IGFL2: variants seen among roughly 807,000 people sequenced by gnomAD.
IGFL2 encodes IGF like family member 2, also known as insulin growth factor-like family member 2.
A neutral mutation model predicts 13.9 loss-of-function variants in IGFL2; 7 were observed. The ratio of observed to expected loss-of-function variants is 0.51; its 90% confidence interval spans 0.29 to 0.95. IGFL2 has a LOEUF of 0.95. Among genes scored for constraint, IGFL2 ranks in the 40% least tolerant of loss-of-function variants. IGFL2 has a pLI of 0.08. For synonymous variants in IGFL2, 55 were observed against 55.8 expected, an observed-to-expected ratio of 0.99 and a Z score of 0.07; for missense variants, 138 against 147.8, an observed-to-expected ratio of 0.93 and a Z score of 0.34.
the IGFL2 span, chr19:46,137,144 G>A: frequency 1.2e-6 from 2 of 1,609,146 alleles, no homozygotes; most frequent in Admixed American, 1.7e-5. Context: ...ATGAAATGGG[G>A]TCTCCTCTAG....
the IGFL2 span, among the ~76,000 whole-genome samples, chr19:46,080,155 C>T: frequency 1.3e-5 from 2 of 152,146 alleles, no homozygotes; most frequent in Non-Finnish European, 1.5e-5. Flanking sequence ...GAGTCACGGG[C>T]AGATATTTAT....
upstream of IGFL2, chr19:46,148,204 A>G (rs1257289833): frequency 7.3e-7 from 1 of 1,367,102 alleles, no homozygotes; most frequent in Non-Finnish European, 1.0e-6. Context: ...ATAAGTTCAT[A>G]GCCTACATAA....
chr19:46,141,494 A>C (rs1467566171), upstream of IGFL2, among the ~76,000 whole-genome samples: 1 of 152,066 alleles, frequency 6.6e-6, no homozygotes, highest in African/African-American at 2.4e-5. Flanking sequence ...GATGGAACCC[A>C]GGCTCCCAGC....
chr19:46,170,416 CT>C, the IGFL2 span, among the ~76,000 whole-genome samples: 1 of 152,158 alleles, frequency 6.6e-6, no homozygotes. Context: ...TGTATGCTGC[CT>C]CAGGACCCTG....
upstream of IGFL2, among the ~76,000 whole-genome samples, chr19:46,147,442 T>G (rs2146828017): frequency 6.6e-6 from 1 of 152,352 alleles, no homozygotes; most frequent in East Asian, 1.9e-4. Context: ...CTTTATCTAT[T>G]CTTATCAGCT....
chr19:46,122,218 A>G, the IGFL2 span, among the ~76,000 whole-genome samples: 1 of 151,054 alleles, frequency 6.6e-6, no homozygotes, highest in Non-Finnish European at 1.5e-5. Context: ...TCTCTGTGCC[A>G]TGTTGGTAGA....
At chr19:46,142,064 T>A (rs780514550), upstream of IGFL2, among the ~76,000 whole-genome samples, 1 of 152,180 alleles carries the variant, frequency 6.6e-6, no homozygotes, top group Admixed American at 6.5e-5. Context: ...GGGACCCAGG[T>A]ACACCATTAC....
the IGFL2 span, chr19:46,124,245 A>C: frequency 1.2e-6 from 2 of 1,609,192 alleles, no homozygotes; most frequent in African/African-American, 1.4e-5. Context: ...TTCCCTCCTC[A>C]TTTTTCCCTG....
chr19:46,092,655 T>G, the IGFL2 span, among the ~76,000 whole-genome samples: 1 of 151,866 alleles, frequency 6.6e-6, no homozygotes, highest in African/African-American at 2.4e-5. Context: ...AAAAATTTTT[T>G]TTTTTTGTAG....
At chr19:46,147,982 T>C, upstream of IGFL2, 1 of 370,614 alleles carries the variant, frequency 2.7e-6, no homozygotes, top group Non-Finnish European at 4.8e-6. Flanking sequence ...TGGGCAGAGT[T>C]CAAAGAATGA....
At chr19:46,132,238 C>T in the IGFL2 span, among the ~76,000 whole-genome samples, 2 of 152,150 alleles carry the variant, frequency 1.3e-5, no homozygotes, top group Admixed American at 1.3e-4. Context: ...ACTTTGGTGA[C>T]CTTGCTCCCT....
At chr19:46,103,246 AT>A in the IGFL2 span, among the ~76,000 whole-genome samples, 1 of 152,158 alleles carries the variant, frequency 6.6e-6, no homozygotes, top group African/African-American at 2.4e-5. Context: ...CTTTTAAAAA[AT>A]ATACAGAGTC....
At chr19:46,213,887 A>G in the IGFL2 span, 1 of 153,400 alleles carries the variant, frequency 6.5e-6, no homozygotes, top group African/African-American at 2.4e-5. Context: ...TTAAACGGAA[A>G]ACTAAAAAGT....
At chr19:46,184,181 C>G in the IGFL2 span, among the ~76,000 whole-genome samples, 1 of 152,150 alleles carries the variant, frequency 6.6e-6, no homozygotes, top group African/African-American at 2.4e-5. Flanking sequence ...TCATAATCAA[C>G]CACAAAATGC....
the IGFL2 span, among the ~76,000 whole-genome samples, chr19:46,122,281 T>G: frequency 6.6e-4 from 100 of 151,158 alleles, 4 homozygotes; most frequent in African/African-American, 2.2e-3. Flanking sequence ...GGGTAAGGTT[T>G]TAGAAACTAT....
the IGFL2 span, among the ~76,000 whole-genome samples, chr19:46,176,255 C>T: frequency 6.6e-6 from 1 of 150,944 alleles, no homozygotes; most frequent in Non-Finnish European, 1.5e-5. Context: ...GTATGTGCCT[C>T]TTCCACAGAG....
chr19:46,137,041 G>T, the IGFL2 span: 1 of 1,588,310 alleles, frequency 6.3e-7, no homozygotes, highest in Non-Finnish European at 8.6e-7. Context: ...TGGCATGGCA[G>T]ATCACTGATG....
chr19:46,196,757 T>G, the IGFL2 span: 1 of 152,840 alleles, frequency 6.5e-6, no homozygotes, highest in Non-Finnish European at 1.5e-5. Flanking sequence ...CGAGCTCCAG[T>G]CAGGACAGAG....
chr19:46,084,090 T>C, the IGFL2 span, among the ~76,000 whole-genome samples: 1 of 152,248 alleles, frequency 6.6e-6, no homozygotes, highest in African/African-American at 2.4e-5. Flanking sequence ...TCCCATGTCT[T>C]TGTACTGTTT....
Sources: allele counts gnomAD v4.1 joint callset (sites outside exome capture counted in the v4.1 genomes callset), GRCh38; gene constraint gnomAD v4.1.1; transcripts MANE v1.5; gene names NCBI Gene and HGNC (gene_info 2026-07-23, HGNC 2026-07-21).